Variants in TMEM117 observed in about 807,000 individuals in gnomAD.
The protein encoded by TMEM117 is transmembrane protein 117.
In TMEM117, 27 loss-of-function variants were observed where a neutral mutation model predicts 52.4. The ratio of observed to expected loss-of-function variants is 0.51; its 90% confidence interval spans 0.38 to 0.71. The LOEUF (loss-of-function observed/expected upper bound fraction) is 0.71, where lower values mean the gene tolerates loss of function less well. TMEM117 is among the 30% of genes least tolerant of loss of function. The pLI is 0.00. For synonymous variants in TMEM117, 215 were observed against 206.3 expected, an observed-to-expected ratio of 1.04 and a Z score of -0.36; for missense variants, 556 against 630.5, an observed-to-expected ratio of 0.88 and a Z score of 1.26.
At position 44,002,343 on chromosome 12, in the gene TMEM117, C is replaced by T. The variant is rs74838904; in HGVS notation, c.410+58001C>T. ...GAGGCCTTGGAGATGGGCAGATGCA[C>T]GGGTACAATCTGAAGAGACAACCCC... is the stretch of plus-strand genomic sequence containing the variant. On this transcript the variant is annotated intron_variant, in intron 3 of 7. Transcript: ENST00000266534. 1.2e-3 allele frequency among the ~76,000 whole-genome samples: 186 copies of T among 152,152 alleles called. 3 individuals carry two copies. In the East Asian group the frequency reaches 0.026, roughly 22 times the overall value.
intron 3 of TMEM117, among the ~76,000 whole-genome samples, chr12:44,086,973 TTATATAA>T (rs910748443): frequency 6.2e-4 from 91 of 147,472 alleles, no homozygotes; most frequent in African/African-American, 2.2e-3. Context: ...TAATTATAAA[TTATATAA>T]TATATAATTA....
chr12:44,351,636 C>A (rs1249277633), intron 6 of TMEM117, among the ~76,000 whole-genome samples: 2 of 151,864 alleles, frequency 1.3e-5, no homozygotes, highest in African/African-American at 4.8e-5. Context: ...AGTGTATGTT[C>A]TTGGCACATA....
intron 6 of TMEM117, among the ~76,000 whole-genome samples, chr12:44,313,259 T>TA (rs1447531715): frequency 6.6e-6 from 1 of 152,186 alleles, no homozygotes; most frequent in East Asian, 1.9e-4. Context: ...TTTAAATCTT[T>TA]AATCCCATCT....
chr12:44,377,486 A>T (rs567249844), intron 7 of TMEM117, among the ~76,000 whole-genome samples: 16 of 152,216 alleles, frequency 1.1e-4, no homozygotes, highest in African/African-American at 3.4e-4. Flanking sequence ...TTATTTTCAG[A>T]TATTTTCTGC....
At chr12:44,167,538 C>T (rs558704411) in intron 4 of TMEM117, among the ~76,000 whole-genome samples, 3 of 151,910 alleles carry the variant, frequency 2.0e-5, no homozygotes, top group Admixed American at 6.6e-5. Flanking sequence ...CATGGTGGCA[C>T]GCGCCTGTAG....
chr12:44,294,529 A>T (rs987680153), intron 5 of TMEM117, among the ~76,000 whole-genome samples: 1 of 152,146 alleles, frequency 6.6e-6, no homozygotes, highest in Non-Finnish European at 1.5e-5. Context: ...ATTTGTTCTT[A>T]CCATGGATCT....
chr12:44,217,420 C>G (rs1357142387), intron 5 of TMEM117, among the ~76,000 whole-genome samples: 1 of 152,154 alleles, frequency 6.6e-6, no homozygotes, highest in Non-Finnish European at 1.5e-5. Context: ...GCGTGAATTC[C>G]CCTCAGCACT....
intron 3 of TMEM117, among the ~76,000 whole-genome samples, chr12:44,140,878 CT>C (rs1194986209): frequency 6.6e-6 from 1 of 152,026 alleles, no homozygotes; most frequent in Non-Finnish European, 1.5e-5. Flanking sequence ...TTTACTTAGT[CT>C]TTTAGTCTCC....
At chr12:43,840,296 A>G (rs1337096467) in intron 1 of TMEM117, among the ~76,000 whole-genome samples, 2 of 152,208 alleles carry the variant, frequency 1.3e-5, no homozygotes, top group Non-Finnish European at 2.9e-5. Flanking sequence ...GAGGAAAATA[A>G]TATTTTCTTC....
At chr12:44,209,124 G>A (rs188029005) in intron 4 of TMEM117, among the ~76,000 whole-genome samples, 79 of 152,170 alleles carry the variant, frequency 5.2e-4, no homozygotes, top group African/African-American at 1.8e-3. Context: ...GGTTATAAAG[G>A]AACAGTGGCT....
At chr12:44,104,993 C>T (rs898146462) in intron 3 of TMEM117, among the ~76,000 whole-genome samples, 2 of 151,858 alleles carry the variant, frequency 1.3e-5, no homozygotes, top group African/African-American at 2.4e-5. Flanking sequence ...TCTGAGCTTC[C>T]TGGATCTGTG....
intron 3 of TMEM117, among the ~76,000 whole-genome samples, chr12:44,128,573 T>C (rs1187570835): frequency 6.6e-6 from 1 of 152,184 alleles, no homozygotes; most frequent in Non-Finnish European, 1.5e-5. Context: ...TGCCTTTAAG[T>C]TCCATTGCAG....
At chr12:43,953,401 G>A (rs1945256309) in intron 3 of TMEM117, among the ~76,000 whole-genome samples, 1 of 152,128 alleles carries the variant, frequency 6.6e-6, no homozygotes, top group South Asian at 2.1e-4. Flanking sequence ...GTCTTCAAGA[G>A]ACATATCTCA....
chr12:44,100,866 C>T (rs1450301699), intron 3 of TMEM117, among the ~76,000 whole-genome samples: 4 of 122,260 alleles, frequency 3.3e-5, no homozygotes, highest in Non-Finnish European at 7.1e-5. Flanking sequence ...CTTGTCCAAC[C>T]GTCAGTTTGG....
intron 5 of TMEM117, among the ~76,000 whole-genome samples, chr12:44,250,675 C>A (rs1276977871): frequency 2.0e-5 from 3 of 152,158 alleles, no homozygotes; most frequent in Non-Finnish European, 4.4e-5. Flanking sequence ...GGAATGAGAT[C>A]ATGTCCTTTG....
At chr12:44,338,959 C>A (rs1284393121) in intron 6 of TMEM117, among the ~76,000 whole-genome samples, 2 of 152,050 alleles carry the variant, frequency 1.3e-5, no homozygotes, top group Non-Finnish European at 2.9e-5. Context: ...GCCAAGAGAG[C>A]TGCTGCATCA....
At chr12:44,142,699 A>C (rs1407485664) in intron 3 of TMEM117, among the ~76,000 whole-genome samples, 1 of 152,178 alleles carries the variant, frequency 6.6e-6, no homozygotes, top group African/African-American at 2.4e-5. Context: ...TAAGAGTAAA[A>C]TAAAAACTAA....
At chr12:44,374,553 C>G (rs529488239) in intron 6 of TMEM117, among the ~76,000 whole-genome samples, 22 of 151,724 alleles carry the variant, frequency 1.5e-4, no homozygotes, top group African/African-American at 4.1e-4. Flanking sequence ...TTTCCTTTAC[C>G]CTTCATTTCC....
At chr12:43,835,723 C>G (rs923417309), upstream of TMEM117, among the ~76,000 whole-genome samples, 1 of 152,168 alleles carries the variant, frequency 6.6e-6, no homozygotes, top group African/African-American at 2.4e-5. Context: ...CCCCAACCCC[C>G]ACCAGGTTCC....
Sources: allele counts gnomAD v4.1 joint callset (sites outside exome capture counted in the v4.1 genomes callset), GRCh38; gene constraint gnomAD v4.1.1; transcripts MANE v1.5; gene names NCBI Gene and HGNC (gene_info 2026-07-23, HGNC 2026-07-21).